CYP46A1: variants seen among roughly 807,000 people sequenced by gnomAD.
The protein encoded by CYP46A1 is cytochrome P450 family 46 subfamily A member 1, also known as cholesterol 24-hydroxylase.
A neutral mutation model predicts 63.3 loss-of-function variants in CYP46A1; 20 were observed. That is an observed-to-expected ratio of 0.32 (90% CI 0.22 to 0.46). The LOEUF (loss-of-function observed/expected upper bound fraction) is 0.46. Among genes scored for constraint, CYP46A1 ranks in the 20% least tolerant of loss-of-function variants. The pLI is 1.00. For synonymous variants in CYP46A1, 268 were observed against 273.6 expected (o/e 0.98, Z 0.20); for missense variants, 445 against 670.8 (o/e 0.66, Z 3.72).
intron 7 of CYP46A1, chr14:99,711,552 T>TA (rs1037548279): frequency 6.6e-6 from 1 of 152,006 alleles, no homozygotes; most frequent in Non-Finnish European, 1.5e-5. Context: ...CCTGGACACA[T>TA]ACACCCTGCC....
In CYP46A1 at chr14:99,726,659, C is replaced by T. The variant is rs947546167; in HGVS notation, c.1435C>T (p.Leu479=). ...GLQEQATLKP[L]DPVLCTLRPR... ...GCAGGAGCAGGCCACACTCAAGCCA[C>T]TGGACCCCGTGCTGTGCACCCTGCG... is the stretch of plus-strand genomic sequence containing the variant. The change falls in exon 15 of 15, where the codon CTG becomes TTG. Residue 479 remains leucine, a synonymous_variant. Coordinates refer to ENST00000261835, the MANE Select transcript of CYP46A1 (RefSeq NM_006668.2). 6 of 1,560,700 alleles carry T rather than the reference C, an allele frequency of 3.8e-6. No individual in the cohort carries two copies. Among genetic ancestry groups the T allele is most frequent in the Non-Finnish European group, 5.2e-6 (6 of 1,153,582 alleles).
chr14:99,696,709 G>A (rs1370924620), intron 3 of CYP46A1, among the ~76,000 whole-genome samples: 1 of 152,160 alleles, frequency 6.6e-6, no homozygotes, highest in African/African-American at 2.4e-5. Flanking sequence ...TTGTCTGCTA[G>A]TTCTATCATT....
rs762883900 is a variant in CYP46A1, at chr14:99,722,009, G to A, written c.1119G>A (p.Leu373=). Residue 373 remains leucine, a synonymous_variant, in exon 12 of 15, where the codon CTG becomes CTA. Coordinates refer to ENST00000261835, the MANE Select transcript of CYP46A1 (RefSeq NM_006668.2). The surrounding 1 kb of genome is among the most constrained non-coding windows in gnomAD (Gnocchi z 4.6). ...LYPPAWGTFR[L]LEEETLIDGV... is the part of the protein sequence containing the mutation. ...CACCAGCATGGGGCACCTTTCGCCT[G>A]CTGGAAGAGGAGACCTTGATTGATG... The A allele has an allele frequency of 3.7e-6, 6 of 1,613,688 alleles. No individual in the cohort carries two copies. The highest frequency in any genetic ancestry group is 4.2e-6 in the Non-Finnish European group (5 of 1,179,874).
chr14:99,691,040 T>G (rs983569662), intron 1 of CYP46A1, 41 bp from the exon 2 acceptor site: 12 of 1,592,608 alleles, frequency 7.5e-6, no homozygotes, highest in Non-Finnish European at 9.5e-6. Context: ...CGTTCTTTCC[T>G]GTTGACTGCT....
chr14:99,721,291 G>A lies in CYP46A1; in HGVS notation c.1033G>A (p.Glu345Lys). ...VIGSKRYLDF[E>K]DLGRLQYLSQ... Reference sequence around the variant, plus strand: ...TGGTTCTAAGAGGTACCTGGATTTCGAGGACCTGGGGAGACTGCAGTACCT... The same window carrying A: ...TGGTTCTAAGAGGTACCTGGATTTCAAGGACCTGGGGAGACTGCAGTACCT... The change falls in exon 11 of 15, where the codon GAG becomes AAG. Residue 345 changes from glutamate to lysine, a missense_variant. Physicochemically the swap from Glu to Lys is moderately conservative, Grantham distance 56. Coordinates refer to ENST00000261835, the MANE Select transcript of CYP46A1 (RefSeq NM_006668.2). 3 of 1,613,938 alleles carry A rather than the reference G, an allele frequency of 1.9e-6. No homozygotes were observed. The highest frequency in any genetic ancestry group is 2.2e-5 in the South Asian group (2 of 91,070).
At chr14:99,699,412 C>T (rs2056612038) in intron 3 of CYP46A1, 54 bp from the exon 4 acceptor site, 1 of 1,543,318 alleles carries the variant, frequency 6.5e-7, no homozygotes, top group African/African-American at 1.4e-5. Flanking sequence ...AGAAGAGCAT[C>T]TTGCAGCTAC....
intron 8 of CYP46A1, 24 bp downstream of exon 8, chr14:99,715,984 TG>T: frequency 2.0e-6 from 1 of 512,468 alleles, no homozygotes; most frequent in Non-Finnish European, 3.8e-6. Context: ...CTCTGCGGAC[TG>T]GGGAGGGCGG....
At chr14:99,703,965 GCCAAGCAAA>G in intron 5 of CYP46A1, 1 of 785,226 alleles carries the variant, frequency 1.3e-6, no homozygotes, top group Non-Finnish European at 1.5e-6. Context: ...GCAAAGGCCA[GCCAAGCAAA>G]CTTCAGGAAG....
intron 3 of CYP46A1, among the ~76,000 whole-genome samples, chr14:99,692,899 A>G (rs1292335127): frequency 6.6e-6 from 1 of 152,086 alleles, no homozygotes; most frequent in African/African-American, 2.4e-5. Context: ...CCTGTCTGCC[A>G]TGAAGGTTCC....
intron 5 of CYP46A1, 114 bp from the exon 6 acceptor site, chr14:99,706,533 A>T: frequency 7.1e-7 from 1 of 1,415,854 alleles, no homozygotes; most frequent in Non-Finnish European, 9.6e-7. Flanking sequence ...AAAGACTGGG[A>T]GGGACCACCC....
At position 99,686,970 on chromosome 14, in the gene CYP46A1, G is replaced by A. The variant is rs1245952296; in HGVS notation, c.119+2434G>A. On this transcript the variant is annotated intron_variant, in intron 1 of 14. Transcript: ENST00000261835. ...CCTGGATCTTTAAACTATGATTGGC[G>A]ATACTGTGGTTGACGAGAGATCTGT... is the stretch of plus-strand genomic sequence containing the variant. Among the ~76,000 whole-genome samples the A allele has an allele frequency of 3.9e-5, 6 of 152,274 alleles. No homozygotes were observed. The East Asian group carries it at 1.2e-3, about 29-fold the overall frequency.
At chr14:99,718,332 A>G (rs1031296716) in intron 10 of CYP46A1, among the ~76,000 whole-genome samples, 1 of 152,094 alleles carries the variant, frequency 6.6e-6, no homozygotes, top group Non-Finnish European at 1.5e-5. Context: ...TCTTCTAGAA[A>G]GGGCTTCTCA....
intron 7 of CYP46A1, among the ~76,000 whole-genome samples, chr14:99,713,994 G>A (rs1315083209): frequency 1.3e-5 from 2 of 150,700 alleles, no homozygotes; most frequent in African/African-American, 2.4e-5. Context: ...ATGGGAGAAA[G>A]AATTTACAAA....
intron 1 of CYP46A1, 48 bp downstream of exon 1, chr14:99,684,584 G>A (rs1011017835): frequency 1.3e-5 from 18 of 1,395,932 alleles, no homozygotes; most frequent in Admixed American, 9.8e-5. Context: ...GGGACTGGGG[G>A]CCTGGGGACA....
At chr14:99,704,299 G>A (rs2056656703) in intron 5 of CYP46A1, among the ~76,000 whole-genome samples, 3 of 152,240 alleles carry the variant, frequency 2.0e-5, no homozygotes, top group South Asian at 4.1e-4. Flanking sequence ...AGAGATGACT[G>A]TTCTATAGTA....
chr14:99,700,367 G>A (rs1179564160), intron 5 of CYP46A1, among the ~76,000 whole-genome samples: 1 of 152,146 alleles, frequency 6.6e-6, no homozygotes, highest in Non-Finnish European at 1.5e-5. Context: ...GAAGCATGGG[G>A]GTTCCTGTCC....
chr14:99,710,032 C>T lies in CYP46A1; in HGVS notation c.693+2354C>T, dbSNP rs558964748. 2.6e-5 allele frequency: 4 copies of T among 152,260 alleles called. No individual in the cohort carries two copies. In the South Asian group the frequency reaches 8.3e-4, roughly 32 times the overall value. The allele number at this position is 152,260 out of a possible 1,614,324, so 9.4% of individuals were successfully genotyped here. ...AAAGTCTGTCCCAAACAAGCAAAAA[C>T]CGAGGTAAGTCATCACTACTAGACT... On this transcript the variant is annotated intron_variant, in intron 7 of 14. Transcript: ENST00000261835.
intron 6 of CYP46A1, 110 bp downstream of exon 6, chr14:99,706,895 C>T (rs1472315754): frequency 7.7e-6 from 10 of 1,298,058 alleles, no homozygotes; most frequent in Non-Finnish European, 1.0e-5. Flanking sequence ...CTCTAACATA[C>T]CAGCAATTCC....
In CYP46A1 at chr14:99,727,296, A is replaced by AC. The variant is rs1389184873; in HGVS notation, c.*570dup. ...GTCGATGCTCAATAAATGTGTGTTG[A>AC]CTGCATGAATGACCTGGAACCAGGC... On this transcript the variant is annotated 3_prime_UTR_variant, in exon 15 of 15. Coordinates refer to ENST00000261835, the MANE Select transcript of CYP46A1 (RefSeq NM_006668.2). 6 of 152,806 alleles carry AC rather than the reference A, an allele frequency of 3.9e-5. No homozygotes were observed. The highest frequency in any genetic ancestry group is 8.8e-5 in the Non-Finnish European group (6 of 68,192). 9.5% of individuals were successfully genotyped at this position (152,806 alleles called of 1,614,324 possible). A position where few individuals can be genotyped will look rare whatever the true frequency, so the allele number is the denominator to read the frequency against.
Sources: gnomAD v4.1 joint callset for allele counts (sites outside exome capture counted in the v4.1 genomes callset) on GRCh38, gnomAD v4.1.1 for gene constraint, Gnocchi (gnomAD v3.1) non-coding constraint, MANE v1.5 for transcripts, NCBI Gene and HGNC (gene_info 2026-07-23, HGNC 2026-07-21) for gene names.